The following VRK2 variants were observed in gnomAD, a reference collection of about 807,000 sequenced individuals.
The protein encoded by VRK2 is VRK serine/threonine kinase 2, also known as serine/threonine-protein kinase VRK2.
A neutral mutation model predicts 57.6 loss-of-function variants in VRK2; 60 were observed. The ratio of observed to expected loss-of-function variants is 1.04; its 90% confidence interval spans 0.85 to 1.29. The LOEUF (loss-of-function observed/expected upper bound fraction) is 1.29, where lower values mean the gene tolerates loss of function less well. VRK2 is among the 50% of genes most tolerant of loss of function. VRK2 has a pLI of 0.00. For missense variants in VRK2, 705 were observed against 588.1 expected (o/e 1.20, Z -2.06); for synonymous variants, 231 against 199.2 (o/e 1.16, Z -1.35).
intron 2 of VRK2, among the ~76,000 whole-genome samples, chr2:58,058,033 A>G (rs1676788443): frequency 6.6e-6 from 1 of 152,100 alleles, no homozygotes; most frequent in Non-Finnish European, 1.5e-5. Context: ...AATCCAAGTG[A>G]AATAGAGTAT....
intron 11 of VRK2, among the ~76,000 whole-genome samples, chr2:58,145,545 C>G (rs1357163934): frequency 6.6e-6 from 1 of 151,970 alleles, no homozygotes; most frequent in Non-Finnish European, 1.5e-5. Context: ...TGACAATTTT[C>G]TCTAAAAATG....
chr2:58,013,771 A>G (rs2103653902), intron 1 of VRK2, among the ~76,000 whole-genome samples: 1 of 145,424 alleles, frequency 6.9e-6, no homozygotes, highest in East Asian at 2.1e-4. Flanking sequence ...AGGCAGGAGA[A>G]TGGCGTGAAC....
At chr2:58,026,939 G>A (rs185439251) in intron 2 of VRK2, 2 of 151,114 alleles carry the variant, frequency 1.3e-5, no homozygotes, top group South Asian at 2.1e-4. Flanking sequence ...TTGTTGCCTA[G>A]GCTAGTGTTA....
Position 57,919,111 on chromosome 2 carries a change from G to A in VRK2, c.-439+11272G>A, listed in dbSNP as rs1670252311. ...TCTGCATTATTCTGCAATAAATCCT[G>A]TATAGAGTCCACTGAATGCATGGAA... On this transcript the variant is annotated intron_variant, in intron 1 of 15. Transcript: ENST00000417641. Among the ~76,000 whole-genome samples, 4 of 151,998 alleles carry A rather than the reference G, an allele frequency of 2.6e-5. No individual in the cohort carries two copies. The South Asian group carries it at 8.3e-4, about 31-fold the overall frequency.
In VRK2 at chr2:58,159,550, A is replaced by G; in HGVS notation, c.1384A>G (p.Thr462Ala). The G allele has an allele frequency of 6.2e-7, 1 of 1,613,844 alleles. No individual in the cohort carries two copies. The highest frequency in any genetic ancestry group is 8.5e-7 in the Non-Finnish European group (1 of 1,179,816). The change falls in exon 13 of 13, where the codon ACA (threonine) becomes GCA (alanine). Residue 462 changes from threonine (T) to alanine (A), a missense_variant. Coordinates refer to ENST00000340157, the MANE Select transcript of VRK2 (RefSeq NM_006296.7). ...KYTSTVSTGITDLESSTGLWP... is the reference protein window; with the variant it reads ...KYTSTVSTGIADLESSTGLWP... ...CACTTCCACAGTCAGCACGGGGATCACAGACTTAGAAAGTTCAACTGGACT... is the reference window on the plus strand; with the variant it reads ...CACTTCCACAGTCAGCACGGGGATCGCAGACTTAGAAAGTTCAACTGGACT...
chr2:57,973,086 G>T (rs1347863659), intron 1 of VRK2, among the ~76,000 whole-genome samples: 2 of 151,794 alleles, frequency 1.3e-5, no homozygotes, highest in Non-Finnish European at 2.9e-5. Context: ...AGTTTTGTTA[G>T]ACATTGCCAA....
intron 11 of VRK2, among the ~76,000 whole-genome samples, chr2:58,140,571 A>G (rs79613744): frequency 0.014 from 2,172 of 152,010 alleles, 21 homozygotes; most frequent in Non-Finnish European, 0.021. Context: ...GATGCTATTC[A>G]TTTTTAATAT....
rs373622852 is a variant in VRK2 at position 57,936,310 on chromosome 2, C to A, written c.-439+28471C>A. On this transcript the variant is annotated intron_variant, in intron 1 of 15. Transcript: ENST00000417641. ...TTTTGTCAACATAATTTCTCTTGAACCTTATAGGCTGATTTTTCCAGCATT... is the reference window on the plus strand; with the variant it reads ...TTTTGTCAACATAATTTCTCTTGAAACTTATAGGCTGATTTTTCCAGCATT... 2.2e-4 allele frequency among the ~76,000 whole-genome samples: 33 copies of A among 152,218 alleles called. No individual in the cohort carries two copies. The South Asian group carries it at 6.8e-3, about 32-fold the overall frequency.
At chr2:58,062,935 G>A (rs1350346644) in intron 2 of VRK2, among the ~76,000 whole-genome samples, 1 of 152,084 alleles carries the variant, frequency 6.6e-6, no homozygotes, top group East Asian at 1.9e-4. Context: ...AGAAGATACT[G>A]TGTAGGACAT....
intron 1 of VRK2, among the ~76,000 whole-genome samples, chr2:57,929,619 A>AT (rs1670654683): frequency 6.6e-6 from 1 of 151,964 alleles, no homozygotes; most frequent in Non-Finnish European, 1.5e-5. Context: ...CCTTTTCCCA[A>AT]ACAGAAGGAG....
Position 57,971,391 on chromosome 2 carries a change from G to C in VRK2, c.-438-54274G>C, listed in dbSNP as rs368041372. On this transcript the variant is annotated intron_variant, in intron 1 of 15. Coordinates refer to the VRK2 transcript ENST00000417641. ...AGCAGGGTTCACCATAAACCACATT[G>C]CTTGTTTAAACAGTTTAAGTACAGT... Among the ~76,000 whole-genome samples the C allele has an allele frequency of 3.5e-4, 53 of 151,998 alleles. 1 individual carries two copies. The South Asian group carries it at 0.01, about 30-fold the overall frequency.
intron 1 of VRK2, among the ~76,000 whole-genome samples, chr2:57,940,448 A>C (rs995855368): frequency 6.6e-6 from 1 of 152,204 alleles, no homozygotes; most frequent in African/African-American, 2.4e-5. Flanking sequence ...CACTGATTAA[A>C]GTGTTAATCT....
intron 1 of VRK2, among the ~76,000 whole-genome samples, chr2:57,979,471 T>A (rs1672352411): frequency 6.6e-6 from 1 of 151,118 alleles, no homozygotes; most frequent in African/African-American, 2.5e-5. Flanking sequence ...ATTGCATCTA[T>A]GTTCACCAGG....
At chr2:58,025,280 A>C (rs1011260298) in intron 1 of VRK2, among the ~76,000 whole-genome samples, 1 of 151,040 alleles carries the variant, frequency 6.6e-6, no homozygotes, top group African/African-American at 2.5e-5. Flanking sequence ...TTTTTTTTTA[A>C]CTATTAGTTA....
At chr2:57,983,430 T>C (rs1389445114) in intron 1 of VRK2, among the ~76,000 whole-genome samples, 4 of 152,136 alleles carry the variant, frequency 2.6e-5, no homozygotes, top group Non-Finnish European at 5.9e-5. Flanking sequence ...CAAAGTTCCT[T>C]TTTTTATGTA....
chr2:58,032,066 C>A (rs1238404925), intron 2 of VRK2, among the ~76,000 whole-genome samples: 1 of 152,010 alleles, frequency 6.6e-6, no homozygotes, highest in Non-Finnish European at 1.5e-5. Flanking sequence ...TCAATCAAAT[C>A]CAAATTATTT....
chr2:58,001,683 G>A (rs1485935515), intron 1 of VRK2, among the ~76,000 whole-genome samples: 1 of 151,980 alleles, frequency 6.6e-6, no homozygotes, highest in Non-Finnish European at 1.5e-5. Flanking sequence ...TTAGCCAGGC[G>A]TGGTGTCGCG....
At chr2:58,046,785 C>G (rs895053183), upstream of VRK2, 23 of 985,458 alleles carry the variant, frequency 2.3e-5, no homozygotes, top group Non-Finnish European at 2.8e-5. Context: ...CCCCGCGGGA[C>G]TGTAGGCCCG....
chr2:57,927,899 G>T (rs770080462), intron 1 of VRK2, among the ~76,000 whole-genome samples: 10 of 152,142 alleles, frequency 6.6e-5, no homozygotes, highest in Non-Finnish European at 1.5e-4. Context: ...TCCACTAAAA[G>T]TCTGCTGCCA....
Sources: allele counts gnomAD v4.1 joint callset (sites outside exome capture counted in the v4.1 genomes callset), GRCh38; gene constraint gnomAD v4.1.1; transcripts MANE v1.5; gene names NCBI Gene and HGNC (gene_info 2026-07-23, HGNC 2026-07-21).